The following SRRM2 variants were observed in gnomAD, a reference collection of about 807,000 sequenced individuals.
The protein encoded by SRRM2 is serine/arginine repetitive matrix 2.
Under a neutral mutation model 213.8 loss-of-function variants are expected in SRRM2, and 30 were observed. That is an observed-to-expected ratio of 0.14 (90% CI 0.10 to 0.19). The LOEUF (loss-of-function observed/expected upper bound fraction) is 0.19. Ranked by LOEUF, SRRM2 falls within the 10% of genes least tolerant of loss-of-function variation. SRRM2 has a pLI of 1.00. For synonymous variants in SRRM2, 2,025 were observed against 1,377.7 expected (o/e 1.47, Z -10.40); for missense variants, 4,904 against 3,647.0 (o/e 1.34, Z -8.88).
rs776907330 is a variant in SRRM2, at chr16:2,758,976, C to T, written c.594-9C>T. On this transcript the variant is annotated splice_polypyrimidine_tract_variant and intron_variant, in intron 5 of 14. Coordinates refer to ENST00000301740, the MANE Select transcript of SRRM2 (RefSeq NM_016333.4). Reference sequence around the variant, plus strand: ...AGCAGGATGAGCTTGCTTTTGAATCCATCTTTAGCAGGTCAGAGAGCAGCT... The same window carrying T: ...AGCAGGATGAGCTTGCTTTTGAATCTATCTTTAGCAGGTCAGAGAGCAGCT... The T allele has an allele frequency of 5.0e-6, 8 of 1,613,944 alleles. No individual in the cohort carries two copies. The South Asian group carries it at 7.7e-5, about 16-fold the overall frequency.
In SRRM2 at chr16:2,764,932, T is replaced by C; in HGVS notation, c.4404T>C (p.Asp1468=). 5.0e-6 allele frequency: 8 copies of C among 1,614,130 alleles called. No individual in the cohort carries two copies. In the South Asian group the frequency reaches 6.6e-5, roughly 13 times the overall value. ...CTGGGTCCTCTCCTGGAATGAAAGA[T>C]ATACCTAGAACGCCATCTAGAGGGA... ...SLSGSSPGMK[D]IPRTPSRGRS... is the part of the protein sequence containing the mutation. Residue 1468 remains aspartate (D), a synonymous_variant, in exon 11 of 15, where the codon GAT becomes GAC. Coordinates refer to ENST00000301740, the MANE Select transcript of SRRM2 (RefSeq NM_016333.4).
intron 12 of SRRM2, 125 bp downstream of exon 12, chr16:2,769,409 G>A (rs1347632631): frequency 2.6e-6 from 3 of 1,132,972 alleles, no homozygotes; most frequent in Non-Finnish European, 2.5e-6. Context: ...TGTGGGGGAG[G>A]AGGCACTTGC....
intron 12 of SRRM2, 26 bp from the exon 13 acceptor site, chr16:2,770,326 C>CTATTGGG: frequency 6.4e-7 from 1 of 1,552,912 alleles, no homozygotes; most frequent in African/African-American, 1.4e-5. Flanking sequence ...GGGTGTGGTG[C>CTATTGGG]TATTGGGTCC....
Position 2,767,635 on chromosome 16 carries a change from T to C in SRRM2, c.7107T>C (p.Ala2369=). 6.2e-7 allele frequency: 1 copy of C among 1,614,144 alleles called. No homozygotes were observed. The highest frequency in any genetic ancestry group is 8.5e-7 in the Non-Finnish European group (1 of 1,180,020). The change falls in exon 11 of 15, where the codon GCT becomes GCC. Residue 2369 remains alanine, a synonymous_variant. Transcript: ENST00000301740. The part of the protein sequence containing the change: ...AALAPASLTS[A]RMAPALSGAN... ...TGGCCCCCGCGAGCCTCACCAGTGCTAGGATGGCTCCAGCATTGTCTGGTG... is the reference window on the plus strand; with the variant it reads ...TGGCCCCCGCGAGCCTCACCAGTGCCAGGATGGCTCCAGCATTGTCTGGTG...
chr16:2,769,212 C>A lies in SRRM2; in HGVS notation c.7949C>A (p.Ser2650Tyr). The A allele has an allele frequency of 1.2e-6, 2 of 1,603,030 alleles. No individual in the cohort carries two copies. The highest frequency in any genetic ancestry group is 8.5e-7 in the Non-Finnish European group (1 of 1,174,874). Reference protein sequence around the residue: ...SSSSSSSSSPSPAKPGPQALP... With the variant: ...SSSSSSSSSPYPAKPGPQALP... ...TCCTCCTCGTCGTCTTCCTCCCCTTCCCCTGCTAAGCCTGGCCCTCAGGCC... is the reference window on the plus strand; with the variant it reads ...TCCTCCTCGTCGTCTTCCTCCCCTTACCCTGCTAAGCCTGGCCCTCAGGCC... The change falls in exon 12 of 15, where the codon TCC becomes TAC. Residue 2650 changes from serine (S) to tyrosine (Y), a missense_variant. Transcript: ENST00000301740.
intron 3 of SRRM2, 92 bp from the exon 4 acceptor site, chr16:2,757,689 C>G (rs199662614): frequency 6.3e-7 from 1 of 1,582,814 alleles, no homozygotes; most frequent in East Asian, 2.2e-5. Context: ...TCTGCCTTTC[C>G]CATGCCTTAT....
Position 2,766,244 on chromosome 16 carries a change from G to C in SRRM2, c.5716G>C (p.Val1906Leu), listed in dbSNP as rs779649754. ...SRRRSRSRTSVTRRRSRSRAS... is the reference protein window; with the variant it reads ...SRRRSRSRTSLTRRRSRSRAS... ...GAGACGGTCAAGGTCCAGGACTTCAGTGACTCGACGAAGATCCCGGTCAAG... is the reference window on the plus strand; with the variant it reads ...GAGACGGTCAAGGTCCAGGACTTCACTGACTCGACGAAGATCCCGGTCAAG... Residue 1906 changes from valine to leucine, a missense_variant, in exon 11 of 15, where the codon GTG becomes CTG. Val to Leu is a conservative substitution (Grantham distance 32). Transcript: ENST00000301740. This position sits in a 1 kb window ranked among gnomAD's most constrained non-coding sequence, Gnocchi z 7.0. 1.2e-6 allele frequency: 2 copies of C among 1,614,178 alleles called. No homozygotes were observed. The highest frequency in any genetic ancestry group is 4.5e-5 in the East Asian group (2 of 44,874).
chr16:2,757,741 C>G (rs978589003), intron 3 of SRRM2, 40 bp from the exon 4 acceptor site: 24 of 1,609,428 alleles, frequency 1.5e-5, no homozygotes, highest in Non-Finnish European at 2.0e-5. Flanking sequence ...TGGCTCTGTC[C>G]TTTATATTTC....
Position 2,768,340 on chromosome 16 carries a change from T to C in SRRM2, c.7733+79T>C, listed in dbSNP as rs1319349122. 4 of 1,460,414 alleles carry C rather than the reference T, an allele frequency of 2.7e-6. No homozygotes were observed. The African/African-American group carries it at 4.3e-5, about 16-fold the overall frequency. The allele number at this position is 1,460,414 out of a possible 1,614,324, so 90.5% of individuals were successfully genotyped here. On this transcript the variant is annotated intron_variant, in intron 11 of 14. Transcript: ENST00000301740. ...TTGGGGAGTGGGGAGGGAGAAACCA[T>C]GTCACAGGTGCTTGGCTCTTGGAGG...
chr16:2,769,507 G>A (rs550572659), intron 12 of SRRM2: 454 of 629,850 alleles, frequency 7.2e-4, no homozygotes, highest in Non-Finnish European at 1.2e-3. Flanking sequence ...GGGGGTCCTT[G>A]GTTTCTTCCT....
chr16:2,765,699 A>G lies in SRRM2; in HGVS notation c.5171A>G (p.His1724Arg), dbSNP rs1236403626. ...PETRSRTPPR[H>R]RRSPSVSSPE... is the part of the protein sequence containing the mutation. ...ACTCGCTCTAGAACTCCCCCAAGGCACCGGAGAAGTCCCTCAGTGTCTTCC... is the reference window on the plus strand; with the variant it reads ...ACTCGCTCTAGAACTCCCCCAAGGCGCCGGAGAAGTCCCTCAGTGTCTTCC... The change falls in exon 11 of 15, where the codon CAC becomes CGC. Residue 1724 changes from histidine to arginine, a missense_variant. Transcript: ENST00000301740. The G allele has an allele frequency of 3.1e-6, 5 of 1,614,074 alleles. No individual in the cohort carries two copies. The highest frequency in any genetic ancestry group is 4.2e-6 in the Non-Finnish European group (5 of 1,180,006).
At chr16:2,758,404 C>A (rs551419014) in intron 4 of SRRM2, 66 bp from the exon 5 acceptor site, 9 of 1,366,452 alleles carry the variant, frequency 6.6e-6, no homozygotes, top group Non-Finnish European at 9.3e-6. Context: ...TAGACTCTGT[C>A]TTTTAAAGAA....
Position 2,767,378 on chromosome 16 carries a change from C to A in SRRM2, c.6850C>A (p.Leu2284Met). ...RTAVAPSAVN[L>M]ADPRTPTAPA... ...AGCGGTGGCACCTTCGGCTGTGAAC[C>A]TGGCTGACCCTCGCACTCCCACAGC... The change falls in exon 11 of 15, where the codon CTG (leucine) becomes ATG (methionine). Residue 2284 changes from leucine (L) to methionine (M), a missense_variant. Physicochemically the swap from Leu to Met is conservative, Grantham distance 15. Transcript: ENST00000301740. 1 of 1,613,902 alleles carries A rather than the reference C, an allele frequency of 6.2e-7. No homozygotes were observed. The highest frequency in any genetic ancestry group is 8.5e-7 in the Non-Finnish European group (1 of 1,180,026).
At position 2,766,198 on chromosome 16, in the gene SRRM2, T is replaced by G. The variant is rs1430516455; in HGVS notation, c.5670T>G (p.Ser1890=). Residue 1890 remains serine, a synonymous_variant, in exon 11 of 15, where the codon TCT becomes TCG. Coordinates refer to ENST00000301740, the MANE Select transcript of SRRM2 (RefSeq NM_016333.4). This position sits in a 1 kb window ranked among gnomAD's most constrained non-coding sequence, Gnocchi z 7.0. The part of the protein sequence containing the change: ...TPLISRRRSR[S]RTSPVSRRRS... Reference sequence around the variant, plus strand: ...TGATAAGCCGACGTAGGTCCAGATCTCGAACTTCACCAGTCAGCCGGAGAC... The same window carrying G: ...TGATAAGCCGACGTAGGTCCAGATCGCGAACTTCACCAGTCAGCCGGAGAC... The G allele has an allele frequency of 1.2e-6, 2 of 1,613,864 alleles. No homozygotes were observed. Among genetic ancestry groups the G allele is most frequent in the African/African-American group, 2.7e-5 (2 of 74,838 alleles).
rs1183798278 is a variant in SRRM2, at chr16:2,765,870, A to G, written c.5342A>G (p.Lys1781Arg). The G allele has an allele frequency of 8.7e-6, 14 of 1,614,024 alleles. No individual in the cohort carries two copies. The highest frequency in any genetic ancestry group is 1.1e-5 in the Non-Finnish European group (13 of 1,180,034). ...TCCCGTTCCCGCTCAAGGAGAGAGA[A>G]AACAAGAACAACCCGACGTCGAGAT... ...QRSRSRSRREKTRTTRRRDRS... is the reference protein window; with the variant it reads ...QRSRSRSRRERTRTTRRRDRS... Residue 1781 changes from lysine (K) to arginine (R), a missense_variant, in exon 11 of 15, where the codon AAA (lysine) becomes AGA (arginine). By Grantham distance (26) the Lys-to-Arg change is conservative (BLOSUM62 2). Coordinates refer to ENST00000301740, the MANE Select transcript of SRRM2 (RefSeq NM_016333.4).
intron 2 of SRRM2, 23 bp from the exon 3 acceptor site, chr16:2,757,449 C>T: frequency 6.2e-7 from 1 of 1,607,080 alleles, no homozygotes; most frequent in Non-Finnish European, 8.5e-7. Flanking sequence ...TCGAGCTTAA[C>T]CCTGAAGGGA....
chr16:2,758,684 C>A, intron 5 of SRRM2, 137 bp downstream of exon 5: 1 of 823,510 alleles, frequency 1.2e-6, no homozygotes, highest in Non-Finnish European at 2.0e-6. Context: ...ATTGAGGCCT[C>A]AACTAGAAGA....
Position 2,762,266 on chromosome 16 carries a change from C to A in SRRM2, c.1738C>A (p.Arg580Ser). 6.2e-7 allele frequency: 1 copy of A among 1,606,460 alleles called. No individual in the cohort carries two copies. The highest frequency in any genetic ancestry group is 8.5e-7 in the Non-Finnish European group (1 of 1,177,478). ...RGRSRSRTPA[R>S]RGRSRSRTPA... ...TAGATCTCGTTCTAGAACACCAGCC[C>A]GCCGGGGCAGGTCCCGCTCTAGAAC... is the stretch of plus-strand genomic sequence containing the variant. The change falls in exon 11 of 15, where the codon CGC (arginine) becomes AGC (serine). Residue 580 changes from arginine (R) to serine (S), a missense_variant. By Grantham distance (110) the Arg-to-Ser change is moderately radical. Coordinates refer to ENST00000301740, the MANE Select transcript of SRRM2 (RefSeq NM_016333.4).
In SRRM2 at chr16:2,769,171, TTCC is replaced by T. The variant is rs371267963; in HGVS notation, c.7914_7916del (p.Ser2648del). On this transcript the variant is annotated inframe_deletion, in exon 12 of 15. Transcript: ENST00000301740. ...CCTCCTCCTCTTCCTCTTCTTCTTC[TTCC>T]TCCTCATCTTCCTCCTCCTCGTCGT... 444 of 1,610,444 alleles carry T rather than the reference TTCC, an allele frequency of 2.8e-4. 1 individual carries two copies. The East Asian group carries it at 5.5e-3, about 20-fold the overall frequency.
Sources: allele counts gnomAD v4.1 joint callset, GRCh38; gene constraint gnomAD v4.1.1; non-coding constraint Gnocchi (gnomAD v3.1); transcripts MANE v1.5; gene names NCBI Gene and HGNC (gene_info 2026-07-23, HGNC 2026-07-21).